Variants in ITGB5 observed in about 807,000 individuals in gnomAD.
ITGB5 encodes the protein integrin subunit beta 5.
A neutral mutation model predicts 84.8 loss-of-function variants in ITGB5; 38 were observed. The ratio of observed to expected loss-of-function variants is 0.45; its 90% CI spans 0.35 to 0.59. The LOEUF (loss-of-function observed/expected upper bound fraction) is 0.59, where lower values mean the gene tolerates loss of function less well. Ranked by LOEUF, ITGB5 falls within the 20% of genes least tolerant of loss-of-function variation. The pLI, the probability that ITGB5 is intolerant of heterozygous loss-of-function variation, is 0.01. For missense variants in ITGB5, 905 were observed against 1,034.5 expected, an observed-to-expected ratio of 0.87 and a Z score of 1.72; for synonymous variants, 393 against 414.4, an observed-to-expected ratio of 0.95 and a Z score of 0.63.
At chr3:124,786,404 TAAAA>T (rs879527219) in intron 10 of ITGB5, among the ~76,000 whole-genome samples, 1 of 142,014 alleles carries the variant, frequency 7.0e-6, no homozygotes, top group East Asian at 2.0e-4. Flanking sequence ...CCCTGTCTCT[TAAAA>T]AAAAAAAAAA....
chr3:124,876,106 T>C (rs763061359), intron 1 of ITGB5, among the ~76,000 whole-genome samples: 3 of 152,186 alleles, frequency 2.0e-5, no homozygotes, highest in Non-Finnish European at 4.4e-5. Flanking sequence ...CATAATAATG[T>C]ATTGCACACT....
At chr3:124,764,059 AGGT>A (rs2063731693) in intron 14 of ITGB5, among the ~76,000 whole-genome samples, 1 of 152,182 alleles carries the variant, frequency 6.6e-6, no homozygotes, top group Non-Finnish European at 1.5e-5. Flanking sequence ...ACCAGACTGC[AGGT>A]GTGAGTGTTG....
upstream of ITGB5, among the ~76,000 whole-genome samples, chr3:124,889,829 C>T (rs1934958226): frequency 6.6e-6 from 1 of 152,178 alleles, no homozygotes; most frequent in South Asian, 2.1e-4. Context: ...CCTGGCTAAA[C>T]ATGGCGAAAC....
intron 5 of ITGB5, among the ~76,000 whole-genome samples, chr3:124,836,910 C>T (rs1018460812): frequency 7.2e-5 from 11 of 152,142 alleles, no homozygotes; most frequent in Non-Finnish European, 1.3e-4. Flanking sequence ...TGAACACAGG[C>T]AAAATTAAAA....
Position 124,773,709 on chromosome 3 carries a change from C to A in ITGB5, c.1897G>T (p.Asp633Tyr). The A allele has an allele frequency of 6.2e-7, 1 of 1,612,300 alleles. No individual in the cohort carries two copies. Among genetic ancestry groups the A allele is most frequent in the Non-Finnish European group, 8.5e-7 (1 of 1,180,012 alleles). The change falls in exon 11 of 15, where the codon GAT (aspartate) becomes TAT (tyrosine). Residue 633 changes from aspartate to tyrosine, a missense_variant. By Grantham distance (160) the Asp-to-Tyr change is radical. Coordinates refer to ENST00000296181, the MANE Select transcript of ITGB5 (RefSeq NM_002213.5). ...CAGTACCTCTTGGTGCTGCATGCAT[C>A]CGGGCAGGTGGGGCACTTCTCACAC... The part of the protein sequence containing the change: ...EMCEKCPTCP[D>Y]ACSTKRDCVE...
At chr3:124,867,184 C>T (rs2065404289) in intron 2 of ITGB5, among the ~76,000 whole-genome samples, 2 of 152,076 alleles carry the variant, frequency 1.3e-5, no homozygotes, top group East Asian at 1.9e-4. Context: ...CCATGCCCGA[C>T]CCCATTTCCA....
At chr3:124,775,259 GAAGT>G (rs1192006486) in intron 10 of ITGB5, among the ~76,000 whole-genome samples, 1 of 151,986 alleles carries the variant, frequency 6.6e-6, no homozygotes. Context: ...TGTGTGTGAG[GAAGT>G]ATTTAAGTGT....
intron 1 of ITGB5, among the ~76,000 whole-genome samples, chr3:124,898,530 G>GCTACT (rs1935152607): frequency 1.3e-5 from 2 of 149,302 alleles, no homozygotes; most frequent in Admixed American, 1.4e-4. Context: ...TGTAGTCCCA[G>GCTACT]CTACTCGGGA....
At chr3:124,844,576 A>C (rs1230729722) in intron 4 of ITGB5, among the ~76,000 whole-genome samples, 3 of 151,916 alleles carry the variant, frequency 2.0e-5, no homozygotes. Flanking sequence ...AAAAGGTAGG[A>C]AATGGGCAGG....
chr3:124,777,753 T>C (rs1264415941), intron 10 of ITGB5, among the ~76,000 whole-genome samples: 3 of 152,214 alleles, frequency 2.0e-5, no homozygotes, highest in Non-Finnish European at 4.4e-5. Flanking sequence ...AAACCAAGAC[T>C]TCCAAGACTC....
chr3:124,772,292 C>G (rs1167731971), intron 11 of ITGB5, among the ~76,000 whole-genome samples: 3 of 152,190 alleles, frequency 2.0e-5, no homozygotes, highest in Admixed American at 6.5e-5. Context: ...CACATTAAAA[C>G]CCAGCCCTGT....
At chr3:124,848,612 T>C in intron 3 of ITGB5, 54 bp from the exon 4 acceptor site, 2 of 1,556,922 alleles carry the variant, frequency 1.3e-6, no homozygotes, top group Admixed American at 1.8e-5. Flanking sequence ...TGCTGAGGGC[T>C]GAGGGATGGG....
intron 4 of ITGB5, among the ~76,000 whole-genome samples, chr3:124,846,011 G>C (rs1392725108): frequency 1.3e-5 from 2 of 152,150 alleles, no homozygotes; most frequent in African/African-American, 4.8e-5. Context: ...CCCAGCAAAT[G>C]ATGATGCCTA....
intron 5 of ITGB5, among the ~76,000 whole-genome samples, chr3:124,837,197 T>TC (rs1288601736): frequency 6.6e-6 from 1 of 152,156 alleles, no homozygotes; most frequent in African/African-American, 2.4e-5. Context: ...CCCTCTGTCC[T>TC]CCCTAGGCCA....
intron 13 of ITGB5, among the ~76,000 whole-genome samples, chr3:124,765,835 T>C (rs2063758165): frequency 1.3e-5 from 2 of 152,136 alleles, no homozygotes; most frequent in Admixed American, 6.5e-5. Context: ...GACAGGTGGA[T>C]TGTTTGAGCC....
At chr3:124,803,879 T>C (rs2064354695) in intron 9 of ITGB5, among the ~76,000 whole-genome samples, 1 of 152,222 alleles carries the variant, frequency 6.6e-6, no homozygotes, top group Non-Finnish European at 1.5e-5. Context: ...TGAATTTTCA[T>C]GTCGACACTT....
chr3:124,889,344 C>A (rs1934943123), upstream of ITGB5, among the ~76,000 whole-genome samples: 1 of 152,210 alleles, frequency 6.6e-6, no homozygotes, highest in African/African-American at 2.4e-5. Flanking sequence ...CTGCTTCTAA[C>A]CTGGAAGCCC....
At chr3:124,864,384 G>A (rs1448189915) in intron 2 of ITGB5, among the ~76,000 whole-genome samples, 2 of 152,056 alleles carry the variant, frequency 1.3e-5, no homozygotes, top group Admixed American at 6.6e-5. Context: ...GGGATTACAG[G>A]TGTGAGCCAC....
At position 124,847,980 on chromosome 3, in the gene ITGB5, C is replaced by T. The variant is rs1367676384; in HGVS notation, c.611+329G>A. 3.9e-5 allele frequency among the ~76,000 whole-genome samples: 6 copies of T among 152,262 alleles called. No individual in the cohort carries two copies. The East Asian group carries it at 1.2e-3, about 29-fold the overall frequency. ...AAGCAAGGGGAAAGTTTAAGTTGCCCTGCCTGCTGCCTCCCTGATAATCTG... is the reference window on the plus strand; with the variant it reads ...AAGCAAGGGGAAAGTTTAAGTTGCCTTGCCTGCTGCCTCCCTGATAATCTG... On this transcript the variant is annotated intron_variant, in intron 4 of 14. Coordinates refer to ENST00000296181, the MANE Select transcript of ITGB5 (RefSeq NM_002213.5).
Sources: allele counts gnomAD v4.1 joint callset (sites outside exome capture counted in the v4.1 genomes callset), GRCh38; gene constraint gnomAD v4.1.1; transcripts MANE v1.5; gene names NCBI Gene and HGNC (gene_info 2026-07-23, HGNC 2026-07-21).